The following RNF19A variants were observed in gnomAD, a reference collection of about 807,000 sequenced individuals.
The protein encoded by RNF19A is ring finger protein 19A, RBR E3 ubiquitin protein ligase, also known as E3 ubiquitin-protein ligase RNF19A.
In RNF19A, 32 loss-of-function variants were observed where a neutral mutation model predicts 75.7. The observed-to-expected ratio is 0.42, with a 90% CI of 0.32 to 0.57. RNF19A has a LOEUF of 0.57. RNF19A is among the 20% of genes least tolerant of loss of function. The probability of loss-of-function intolerance (pLI) is 0.10; values close to 1 mark genes in which losing one functional copy is unlikely to be tolerated. For missense variants in RNF19A, 782 were observed against 1,036.3 expected (o/e 0.75, Z 3.37); for synonymous variants, 335 against 345.2 (o/e 0.97, Z 0.33).
In RNF19A at chr8:100,259,771, T is replaced by A. The variant is rs1224125647; in HGVS notation, c.1826+83A>T. 3 of 1,287,178 alleles carry A rather than the reference T, an allele frequency of 2.3e-6. No individual in the cohort carries two copies. The highest frequency in any genetic ancestry group is 3.2e-6 in the Non-Finnish European group (3 of 930,720). The allele number at this position is 1,287,178 out of a possible 1,614,324, so 79.7% of individuals were successfully genotyped here. A position where few individuals can be genotyped will look rare whatever the true frequency, so the allele number is the denominator to read the frequency against. ...GAGAACTTAATAGTTGGTAGCCACTTTTCACTGGTAATTTGTCTAATGATA... is the reference window on the plus strand; with the variant it reads ...GAGAACTTAATAGTTGGTAGCCACTATTCACTGGTAATTTGTCTAATGATA... On this transcript the variant is annotated intron_variant, in intron 9 of 9. Transcript: ENST00000341084. The surrounding 1 kb of genome is among the most constrained non-coding windows in gnomAD (Gnocchi z 4.5).
At chr8:100,277,027 G>A (rs1820555011) in intron 2 of RNF19A, among the ~76,000 whole-genome samples, 1 of 151,926 alleles carries the variant, frequency 6.6e-6, no homozygotes, top group Non-Finnish European at 1.5e-5. Flanking sequence ...ACAACTGCAT[G>A]TGAATCTACC....
At chr8:100,326,449 A>G (rs1822534523) in intron 1 of RNF19A, among the ~76,000 whole-genome samples, 1 of 152,194 alleles carries the variant, frequency 6.6e-6, no homozygotes, top group African/African-American at 2.4e-5. Context: ...AATCAAAAAT[A>G]TGCTGTATAC....
At position 100,315,226 on chromosome 8, in the gene RNF19A, T is replaced by G. The variant is rs112287939; in HGVS notation, c.-242-1854A>C. The stretch of plus-strand genomic sequence containing the variant: ...TCACTTAAGCCTGGGAGTTGTAGGG[T>G]GCAGTGAGCCAAGATCACACCACTG... On this transcript the variant is annotated intron_variant, in intron 1 of 3. Coordinates refer to the RNF19A transcript ENST00000519527. Among the ~76,000 whole-genome samples, 1,105 of 152,192 alleles carry G rather than the reference T, an allele frequency of 7.3e-3. 11 individuals are homozygous for G. Among genetic ancestry groups the G allele is most frequent in the African/African-American group, 0.025 (1,026 of 41,500 alleles).
chr8:100,263,749 C>G (rs1563833212), intron 7 of RNF19A, among the ~76,000 whole-genome samples: 1 of 152,026 alleles, frequency 6.6e-6, no homozygotes, highest in African/African-American at 2.4e-5. Context: ...CTCTTCATAT[C>G]CTTTACTTAG....
At chr8:100,313,202 T>C (rs971782836), upstream of RNF19A, 1 of 357,330 alleles carries the variant, frequency 2.8e-6, no homozygotes, top group Non-Finnish European at 3.9e-6. Flanking sequence ...ACTATAGCAA[T>C]GAAAAAGCCT....
At chr8:100,290,414 T>C (rs369453714) in intron 1 of RNF19A, among the ~76,000 whole-genome samples, 1 of 152,324 alleles carries the variant, frequency 6.6e-6, no homozygotes, top group African/African-American at 2.4e-5. Flanking sequence ...ACTTTCTTAA[T>C]ATGTGCAGTA....
At chr8:100,272,553 A>T (rs542555872) in intron 3 of RNF19A, among the ~76,000 whole-genome samples, 189 of 147,930 alleles carry the variant, frequency 1.3e-3, no homozygotes, top group African/African-American at 3.9e-3. Context: ...TTTTTTTTTT[A>T]AATTAATAGG....
rs1351598307 is a variant in RNF19A, at chr8:100,319,741, G to T, written c.-242-6369C>A. On this transcript the variant is annotated intron_variant, in intron 1 of 3. Transcript: ENST00000519527. ...GATGAGGTTTCACCATGTTGGCCAG[G>T]CTGGTCTCCATCTCCTGACCTCAGG... 2.6e-5 allele frequency among the ~76,000 whole-genome samples: 4 copies of T among 151,742 alleles called. No individual in the cohort carries two copies. In the East Asian group the frequency reaches 7.7e-4, roughly 29 times the overall value.
intron 1 of RNF19A, among the ~76,000 whole-genome samples, chr8:100,321,796 T>C (rs1418849702): frequency 2.0e-5 from 3 of 152,210 alleles, no homozygotes; most frequent in South Asian, 4.1e-4. Flanking sequence ...TTAATCTCCT[T>C]ATACATCAGA....
intron 1 of RNF19A, among the ~76,000 whole-genome samples, chr8:100,298,062 AT>A (rs548579839): frequency 6.6e-6 from 1 of 152,154 alleles, no homozygotes; most frequent in Non-Finnish European, 1.5e-5. Context: ...CAGTCCATAG[AT>A]TATAAAGATT....
At chr8:100,308,387 C>T (rs1293423439) in intron 1 of RNF19A, among the ~76,000 whole-genome samples, 1 of 151,890 alleles carries the variant, frequency 6.6e-6, no homozygotes, top group African/African-American at 2.4e-5. Context: ...AAATTTTTAC[C>T]ATGAAACTGT....
intron 1 of RNF19A, among the ~76,000 whole-genome samples, chr8:100,298,938 G>A (rs1453847642): frequency 2.0e-5 from 3 of 152,320 alleles, no homozygotes; most frequent in Admixed American, 6.5e-5. Context: ...GTATGATCAA[G>A]TGCCCAGAGA....
chr8:100,286,637 C>A (rs1413454647), intron 2 of RNF19A, among the ~76,000 whole-genome samples: 1 of 152,140 alleles, frequency 6.6e-6, no homozygotes, highest in Non-Finnish European at 1.5e-5. Context: ...GGTAATGAGT[C>A]TTGAAGTTGT....
chr8:100,291,778 A>T (rs1821305894), intron 1 of RNF19A, among the ~76,000 whole-genome samples: 1 of 152,210 alleles, frequency 6.6e-6, no homozygotes, highest in Non-Finnish European at 1.5e-5. Flanking sequence ...TAAAATATGG[A>T]GAAAATCCAG....
intron 1 of RNF19A, among the ~76,000 whole-genome samples, chr8:100,319,525 T>C (rs1822433804): frequency 7.0e-6 from 1 of 142,942 alleles, no homozygotes; most frequent in Admixed American, 7.1e-5. Context: ...CCTATCTGGT[T>C]CACTTTTTTT....
chr8:100,264,170 A>C lies in RNF19A; in HGVS notation c.1332T>G (p.Ala444=). ...TVGIGVPIML[A]YVYGVVPISL... is the part of the protein sequence containing the mutation. ...AAATTGGAACTACGCCATAGACATAAGCTAACATAATAGGAACACCGATAC... is the reference window on the plus strand; with the variant it reads ...AAATTGGAACTACGCCATAGACATACGCTAACATAATAGGAACACCGATAC... The change falls in exon 7 of 10, where the codon GCT becomes GCG. Residue 444 remains alanine (A), a synonymous_variant. Coordinates refer to ENST00000341084, the MANE Select transcript of RNF19A (RefSeq NM_183419.4). This position sits in a 1 kb window ranked among gnomAD's most constrained non-coding sequence, Gnocchi z 4.7. 6.2e-7 allele frequency: 1 copy of C among 1,613,280 alleles called. No homozygotes were observed. The highest frequency in any genetic ancestry group is 8.5e-7 in the Non-Finnish European group (1 of 1,179,550).
chr8:100,312,463 T>A (rs1394964719), upstream of RNF19A: 1 of 152,418 alleles, frequency 6.6e-6, no homozygotes. Flanking sequence ...GGCCCACGTC[T>A]GCAGTCCCAG....
At chr8:100,289,070 A>AG (rs1156898753) in intron 1 of RNF19A, among the ~76,000 whole-genome samples, 1 of 151,766 alleles carries the variant, frequency 6.6e-6, no homozygotes, top group Non-Finnish European at 1.5e-5. Flanking sequence ...AAAAAAAAAA[A>AG]AAAAAAAGTC....
intron 1 of RNF19A, among the ~76,000 whole-genome samples, chr8:100,327,531 G>A (rs28502451): frequency 0.03 from 4,502 of 152,186 alleles, 207 homozygotes; most frequent in African/African-American, 0.1. Context: ...GATTACAGGC[G>A]TGAGCCACTG....
Sources: allele counts gnomAD v4.1 joint callset (sites outside exome capture counted in the v4.1 genomes callset), GRCh38; gene constraint gnomAD v4.1.1; non-coding constraint Gnocchi (gnomAD v3.1); transcripts MANE v1.5; gene names NCBI Gene and HGNC (gene_info 2026-07-23, HGNC 2026-07-21).